Variants in KIF16B observed in about 807,000 individuals in gnomAD.
KIF16B encodes the protein kinesin-like protein KIF16B.
In KIF16B, 98 loss-of-function variants were observed where a neutral mutation model predicts 156.3. The observed-to-expected ratio is 0.63, with a 90% CI of 0.53 to 0.74. The LOEUF (loss-of-function observed/expected upper bound fraction) is 0.74. Ranked by LOEUF, KIF16B falls within the 30% of genes least tolerant of loss-of-function variation. KIF16B has a pLI of 0.00. For synonymous variants in KIF16B, 564 were observed against 583.7 expected (o/e 0.97, Z 0.49); for missense variants, 1,421 against 1,606.5 (o/e 0.88, Z 1.97).
intron 23 of KIF16B, among the ~76,000 whole-genome samples, chr20:16,354,436 T>TACCGAAA (rs375447983): frequency 1.3e-5 from 2 of 151,682 alleles, no homozygotes; most frequent in African/African-American, 4.9e-5. Flanking sequence ...GAAATTGTTT[T>TACCGAAA]TATATTCATG....
At chr20:16,557,691 G>A (rs913006990) in intron 1 of KIF16B, among the ~76,000 whole-genome samples, 2 of 152,026 alleles carry the variant, frequency 1.3e-5, no homozygotes, top group Admixed American at 6.6e-5. Context: ...CTGGCACCTG[G>A]TCCTCCACTC....
chr20:16,495,079 T>C (rs6044031), intron 11 of KIF16B, among the ~76,000 whole-genome samples: 34,444 of 152,104 alleles, frequency 0.23, 4,478 homozygotes, highest in East Asian at 0.36. Context: ...AAAAGTGATA[T>C]TTGAGAGGTA....
At chr20:16,310,104 T>C (rs2063597195) in intron 25 of KIF16B, among the ~76,000 whole-genome samples, 1 of 152,198 alleles carries the variant, frequency 6.6e-6, no homozygotes, top group South Asian at 2.1e-4. Flanking sequence ...AAGAAGATAA[T>C]ATTCTAAGAT....
rs2064825823 is a variant in KIF16B, at chr20:16,371,691, A to G, written c.3421T>C (p.Cys1141Arg). 6.2e-7 allele frequency: 1 copy of G among 1,613,450 alleles called. No homozygotes were observed. The highest frequency in any genetic ancestry group is 1.1e-5 in the South Asian group (1 of 91,054). ...TTCATCGTGTCTGCAGATGTACTGC[A>G]GCCTTCACTAATCACACGATGCAAA... The part of the protein sequence containing the change: ...QDLHRVISEG[C>R]STSADTMKDN... Residue 1141 changes from cysteine to arginine, a missense_variant, in exon 21 of 26, where the codon TGC becomes CGC. Coordinates refer to ENST00000354981, the MANE Select transcript of KIF16B (RefSeq NM_024704.5).
chr20:16,402,668 C>T (rs938365185), intron 17 of KIF16B, among the ~76,000 whole-genome samples: 6 of 152,238 alleles, frequency 3.9e-5, no homozygotes, highest in Middle Eastern at 3.4e-3. Flanking sequence ...CAGGCTAGTC[C>T]ACATGTGACT....
intron 12 of KIF16B, among the ~76,000 whole-genome samples, chr20:16,445,166 C>T (rs1232882188): frequency 6.6e-6 from 1 of 151,728 alleles, no homozygotes; most frequent in Non-Finnish European, 1.5e-5. Context: ...CACCACTGCA[C>T]ACCAGCCTGG....
chr20:16,296,858 T>C (rs2063394638), intron 25 of KIF16B, among the ~76,000 whole-genome samples: 1 of 152,266 alleles, frequency 6.6e-6, no homozygotes, highest in African/African-American at 2.4e-5. Flanking sequence ...ATGAGATTAA[T>C]GTTTGAATCA....
At chr20:16,493,770 C>T (rs148963192) in intron 12 of KIF16B, among the ~76,000 whole-genome samples, 2 of 152,154 alleles carry the variant, frequency 1.3e-5, no homozygotes, top group Admixed American at 1.3e-4. Context: ...CTTTTCACAG[C>T]AAGTCTTGCC....
rs572176895 is a variant in KIF16B at position 16,305,266 on chromosome 20, G to A, written c.3795+7069C>T. On this transcript the variant is annotated intron_variant, in intron 25 of 25. Transcript: ENST00000354981. ...GACAAGGTTACTCTGTGACCATGAA[G>A]GATCAAGCCCAAAAACTAAAAATAA... 3.7e-4 allele frequency among the ~76,000 whole-genome samples: 56 copies of A among 151,876 alleles called. No homozygotes were observed. The South Asian group carries it at 0.011, about 31-fold the overall frequency.
intron 17 of KIF16B, 131 bp downstream of exon 17, chr20:16,404,682 A>G (rs2065735877): frequency 3.0e-6 from 2 of 657,832 alleles, no homozygotes. Flanking sequence ...GAACTCGGAA[A>G]ATGACGGTGG....
intron 12 of KIF16B, among the ~76,000 whole-genome samples, chr20:16,463,459 C>T (rs761045800): frequency 5.3e-5 from 8 of 151,976 alleles, no homozygotes; most frequent in East Asian, 1.9e-4. Flanking sequence ...TTGTTTGAAC[C>T]GAAGAGTGAA....
chr20:16,295,544 TTA>T (rs1217380909), intron 25 of KIF16B, among the ~76,000 whole-genome samples: 3 of 150,112 alleles, frequency 2.0e-5, no homozygotes, highest in East Asian at 3.9e-4. Context: ...ATTTATATAA[TTA>T]TATCTTATTA....
intron 15 of KIF16B, among the ~76,000 whole-genome samples, chr20:16,420,749 GT>G (rs1568961891): frequency 6.6e-6 from 1 of 152,068 alleles, no homozygotes; most frequent in East Asian, 1.9e-4. Flanking sequence ...GCCAAATACA[GT>G]GAGGTCCATT....
At chr20:16,387,366 G>A (rs1163679203) in intron 17 of KIF16B, among the ~76,000 whole-genome samples, 1 of 152,094 alleles carries the variant, frequency 6.6e-6, no homozygotes, top group East Asian at 1.9e-4. Flanking sequence ...CTTAGGGTGG[G>A]GAGATAGCTC....
chr20:16,312,415 C>G lies in KIF16B; in HGVS notation c.3715G>C (p.Ala1239Pro). 6.2e-7 allele frequency: 1 copy of G among 1,610,604 alleles called. No homozygotes were observed. Among genetic ancestry groups the G allele is most frequent in the Non-Finnish European group, 8.5e-7 (1 of 1,177,248 alleles). The change falls in exon 25 of 26, where the codon GCT becomes CCT. Residue 1239 changes from alanine to proline, a missense_variant. Physicochemically the swap from Ala to Pro is conservative, Grantham distance 27 (BLOSUM62 -1). Transcript: ENST00000354981. ...TTCTTTGGAGGAAATTCAAGGGCAG[C>G]AAGCTGAAATAGACATTTTAAAAGA... is the stretch of plus-strand genomic sequence containing the variant. ...KTLKLKYAEL[A>P]ALEFPPKKLF...
intron 20 of KIF16B, among the ~76,000 whole-genome samples, chr20:16,372,499 A>G (rs1221032456): frequency 6.6e-6 from 1 of 152,230 alleles, no homozygotes; most frequent in African/African-American, 2.4e-5. Context: ...CAAAACTATC[A>G]GCCTTGACCA....
chr20:16,384,824 G>C (rs995338213), intron 17 of KIF16B, among the ~76,000 whole-genome samples: 5 of 152,104 alleles, frequency 3.3e-5, no homozygotes, highest in African/African-American at 1.2e-4. Flanking sequence ...GGTGGGGACA[G>C]GGACCACATT....
intron 1 of KIF16B, among the ~76,000 whole-genome samples, chr20:16,562,557 G>C (rs62196310): frequency 0.027 from 4,120 of 152,156 alleles, 70 homozygotes; most frequent in Middle Eastern, 0.068. Context: ...AAAGTAAGAG[G>C]CATGTGTGGA....
At chr20:16,569,543 T>C (rs1211660330) in intron 1 of KIF16B, among the ~76,000 whole-genome samples, 1 of 152,254 alleles carries the variant, frequency 6.6e-6, no homozygotes, top group African/African-American at 2.4e-5. Context: ...CTTACAAGGC[T>C]GACTGATTAC....
Sources: allele counts gnomAD v4.1 joint callset (sites outside exome capture counted in the v4.1 genomes callset), GRCh38; gene constraint gnomAD v4.1.1; transcripts MANE v1.5; gene names NCBI Gene and HGNC (gene_info 2026-07-23, HGNC 2026-07-21).